KTN1: variants seen among roughly 807,000 people sequenced by gnomAD.
KTN1 encodes the protein kinectin.
A neutral mutation model predicts 222.5 loss-of-function variants in KTN1; 130 were observed. The observed-to-expected ratio is 0.58, with a 90% CI of 0.51 to 0.68. The LOEUF is 0.68. KTN1 is among the 30% of genes least tolerant of loss of function. KTN1 has a pLI of 0.00. For missense variants in KTN1, 1,508 were observed against 1,500.4 expected (o/e 1.01, Z -0.08); for synonymous variants, 512 against 496.3 (o/e 1.03, Z -0.42).
At chr14:55,642,822 T>G (rs1237271708) in intron 18 of KTN1, among the ~76,000 whole-genome samples, 1 of 152,202 alleles carries the variant, frequency 6.6e-6, no homozygotes, top group Non-Finnish European at 1.5e-5. Flanking sequence ...TACTTTGTAT[T>G]TGCTTTACCC....
intron 1 of KTN1, among the ~76,000 whole-genome samples, chr14:55,609,176 G>A (rs1034177029): frequency 1.3e-5 from 2 of 152,052 alleles, no homozygotes; most frequent in African/African-American, 4.8e-5. Flanking sequence ...ACAGGCCCTG[G>A]TGTGTGTTGT....
chr14:55,662,760 T>C (rs2044285702), intron 32 of KTN1: 1 of 357,412 alleles, frequency 2.8e-6, no homozygotes, highest in Non-Finnish European at 5.8e-6. Flanking sequence ...TACCCCTGAG[T>C]TTGTCAAAAT....
intron 8 of KTN1, 137 bp from the exon 9 acceptor site, chr14:55,634,389 G>A (rs943345984): frequency 1.7e-6 from 1 of 583,316 alleles, no homozygotes; most frequent in African/African-American, 1.9e-5. Flanking sequence ...ATTGTTAGTA[G>A]TCACTTGTGT....
At chr14:55,646,902 A>G in intron 18 of KTN1, 71 bp from the exon 19 acceptor site, 2 of 952,870 alleles carry the variant, frequency 2.1e-6, no homozygotes, top group South Asian at 1.4e-5. Context: ...TCACAAAATT[A>G]CATTTCTCAT....
At chr14:55,584,996 G>A (rs2140303998) in intron 1 of KTN1, among the ~76,000 whole-genome samples, 1 of 152,104 alleles carries the variant, frequency 6.6e-6, no homozygotes, top group Middle Eastern at 3.4e-3. Context: ...GCCAGGCATG[G>A]TAGCGTGTGC....
chr14:55,678,567 G>A, intron 42 of KTN1, 123 bp downstream of exon 42: 1 of 655,816 alleles, frequency 1.5e-6, no homozygotes, highest in South Asian at 1.8e-5. Context: ...TCCCTAAAAT[G>A]TAGTGTTTTC....
Position 55,631,341 on chromosome 14 carries a change from G to GATTGATATATATATATATATATATAT in KTN1, c.1221+1246_1221+1247insTGATATATATATATATATATATATAT, listed in dbSNP as rs1555371423. Among the ~76,000 whole-genome samples the GATTGATATATATATATATATATATAT allele has an allele frequency of 4.4e-5, 5 of 114,708 alleles. No individual in the cohort carries two copies. In the East Asian group the frequency reaches 7.6e-4, roughly 17 times the overall value. 75.3% of individuals were successfully genotyped at this position (114,708 alleles called of 152,430 possible). On this transcript the variant is annotated intron_variant, in intron 7 of 43. Transcript: ENST00000395314. ...CTAAAACTCACCTATTGATAAGGTTGATATATATATATATATATATATATA... is the reference window on the plus strand; with the variant it reads ...CTAAAACTCACCTATTGATAAGGTTGATTGATATATATATATATATATATATATATATATATATATATATATATATA...
chr14:55,672,730 C>A, intron 38 of KTN1, 29 bp downstream of exon 38: 1 of 1,440,480 alleles, frequency 6.9e-7, no homozygotes, highest in Non-Finnish European at 9.8e-7. Context: ...TTACTTGTAA[C>A]CTATGGATTT....
intron 25 of KTN1, 36 bp downstream of exon 25, chr14:55,651,963 C>G: frequency 3.0e-6 from 4 of 1,332,672 alleles, no homozygotes; most frequent in African/African-American, 1.5e-5. Context: ...TTTACTATTT[C>G]TTTTTCATGA....
intron 5 of KTN1, among the ~76,000 whole-genome samples, chr14:55,623,145 C>T (rs980129267): frequency 6.6e-6 from 1 of 152,264 alleles, no homozygotes; most frequent in Non-Finnish European, 1.5e-5. Context: ...TTCTTTCTTA[C>T]AACCGTCTGG....
intron 1 of KTN1, chr14:55,607,534 G>C (rs1489261832): frequency 6.6e-6 from 1 of 152,144 alleles, no homozygotes; most frequent in East Asian, 1.9e-4. Flanking sequence ...ATTTATGTCC[G>C]AGTGAAAGAT....
intron 42 of KTN1, 150 bp downstream of exon 42, chr14:55,678,594 A>C (rs10483650): frequency 2.1e-5 from 13 of 605,628 alleles, no homozygotes; most frequent in Middle Eastern, 5.2e-4. Context: ...GTTTGATCTC[A>C]TTTTTGCTTA....
intron 43 of KTN1, 131 bp from the exon 44 acceptor site, chr14:55,683,968 G>A (rs2046580627): frequency 1.7e-6 from 1 of 602,864 alleles, no homozygotes. Context: ...AGTGTGAATT[G>A]CTTTGAGTCT....
Position 55,616,499 on chromosome 14 carries a change from T to G in KTN1, c.524-18T>G. ...CATTGTTTGCCACAATTATTTTTTT[T>G]GTTTGTGTTTAATAAAGATGACCAG... On this transcript the variant is annotated intron_variant, in intron 2 of 43. Coordinates refer to ENST00000395314, the MANE Select transcript of KTN1 (RefSeq NM_001079521.2). 1.9e-6 allele frequency: 3 copies of G among 1,557,194 alleles called. No homozygotes were observed. Among genetic ancestry groups the G allele is most frequent in the Non-Finnish European group, 2.6e-6 (3 of 1,159,198 alleles).
At chr14:55,644,560 CTTTTTTTTTT>C in intron 18 of KTN1, 1 of 320,254 alleles carries the variant, frequency 3.1e-6, no homozygotes, top group Non-Finnish European at 5.4e-6. Context: ...CAGAATAAGA[CTTTTTTTTTT>C]TTTTTTTTTG....
At chr14:55,622,365 T>A (rs902102690) in intron 5 of KTN1, among the ~76,000 whole-genome samples, 2 of 152,136 alleles carry the variant, frequency 1.3e-5, no homozygotes, top group African/African-American at 4.8e-5. Context: ...AAGAAATGAT[T>A]TGAATGGCAT....
intron 5 of KTN1, among the ~76,000 whole-genome samples, chr14:55,623,498 C>A (rs926126885): frequency 7.9e-5 from 12 of 152,190 alleles, no homozygotes; most frequent in African/African-American, 2.9e-4. Flanking sequence ...CTCCATCTCA[C>A]CCTCCTGAGG....
intron 5 of KTN1, among the ~76,000 whole-genome samples, chr14:55,620,248 C>A (rs539698409): frequency 6.6e-6 from 1 of 152,324 alleles, no homozygotes; most frequent in East Asian, 1.9e-4. Flanking sequence ...GTACAGCCTC[C>A]TTTCTGGCTG....
chr14:55,596,154 C>CAGAAAAA (rs2034994530), intron 1 of KTN1, among the ~76,000 whole-genome samples: 1 of 61,130 alleles, frequency 1.6e-5, no homozygotes, highest in African/African-American at 6.8e-5. Context: ...GACTCAATAG[C>CAGAAAAA]AAAAAAAAAA....
Sources: allele counts gnomAD v4.1 joint callset (sites outside exome capture counted in the v4.1 genomes callset), GRCh38; gene constraint gnomAD v4.1.1; transcripts MANE v1.5; gene names NCBI Gene and HGNC (gene_info 2026-07-23, HGNC 2026-07-21).